The following RSRC1 variants were observed in gnomAD, a reference collection of about 807,000 sequenced individuals.
RSRC1 encodes the protein arginine and serine rich coiled-coil 1.
A neutral mutation model predicts 49.1 loss-of-function variants in RSRC1; 39 were observed. The ratio of observed to expected loss-of-function variants is 0.79; its 90% CI spans 0.61 to 1.04. The LOEUF is 1.04. Ranked by LOEUF, RSRC1 falls within the 50% of genes least tolerant of loss-of-function variation. RSRC1 has a pLI of 0.00. For missense variants in RSRC1, 388 were observed against 402.4 expected (o/e 0.96, Z 0.31); for synonymous variants, 143 against 130.8 (o/e 1.09, Z -0.63).
At chr3:158,339,164 C>T (rs975713377) in intron 5 of RSRC1, among the ~76,000 whole-genome samples, 3 of 151,836 alleles carry the variant, frequency 2.0e-5, no homozygotes, top group African/African-American at 4.8e-5. Flanking sequence ...CGGTGGCGGG[C>T]GCCTGTAGTC....
intron 6 of RSRC1, among the ~76,000 whole-genome samples, chr3:158,406,754 T>G (rs4679827): frequency 2.0e-5 from 3 of 151,814 alleles, no homozygotes; most frequent in African/African-American, 7.3e-5. Context: ...ACTAATCTAG[T>G]GGAAGTCCCA....
At chr3:158,234,088 A>G (rs1043217839) in intron 4 of RSRC1, among the ~76,000 whole-genome samples, 10 of 152,142 alleles carry the variant, frequency 6.6e-5, no homozygotes, top group African/African-American at 2.4e-4. Context: ...ACAGTGAGAC[A>G]CCTTACTGTA....
chr3:158,219,754 A>G (rs1722131199), intron 4 of RSRC1, among the ~76,000 whole-genome samples: 1 of 151,578 alleles, frequency 6.6e-6, no homozygotes, highest in Non-Finnish European at 1.5e-5. Context: ...GCCTTAATAA[A>G]GGTAGTGGCA....
intron 4 of RSRC1, among the ~76,000 whole-genome samples, chr3:158,278,311 AC>A (rs1174773747): frequency 6.6e-6 from 1 of 152,236 alleles, no homozygotes; most frequent in Non-Finnish European, 1.5e-5. Flanking sequence ...TCGTAGACTT[AC>A]ATTTTCACAA....
chr3:158,272,485 A>G (rs769526781), intron 4 of RSRC1, among the ~76,000 whole-genome samples: 6 of 152,126 alleles, frequency 3.9e-5, no homozygotes, highest in African/African-American at 4.8e-5. Context: ...TAAAAAACAA[A>G]AGATTATTAT....
intron 5 of RSRC1, among the ~76,000 whole-genome samples, chr3:158,334,437 A>C (rs1729743428): frequency 6.6e-6 from 1 of 151,976 alleles, no homozygotes; most frequent in Admixed American, 6.6e-5. Context: ...TTATGGGAGA[A>C]TCTCTTGGTT....
chr3:158,283,625 CCATTATTGGG>C (rs1289973916), intron 4 of RSRC1, among the ~76,000 whole-genome samples: 1 of 151,916 alleles, frequency 6.6e-6, no homozygotes, highest in Non-Finnish European at 1.5e-5. Flanking sequence ...TGACAGTTTG[CCATTATTGGG>C]CATTTAGTTC....
At chr3:158,244,441 T>C (rs944724680) in intron 4 of RSRC1, among the ~76,000 whole-genome samples, 3 of 152,218 alleles carry the variant, frequency 2.0e-5, no homozygotes, top group Admixed American at 1.3e-4. Context: ...TTGCATATGT[T>C]GAACCAGCCT....
At chr3:158,417,734 T>C (rs1228699577) in intron 6 of RSRC1, among the ~76,000 whole-genome samples, 1 of 151,056 alleles carries the variant, frequency 6.6e-6, no homozygotes, top group African/African-American at 2.4e-5. Flanking sequence ...TTATACAGAT[T>C]TATTAATCAG....
At chr3:158,496,139 A>G (rs1322659853) in intron 7 of RSRC1, among the ~76,000 whole-genome samples, 1 of 152,116 alleles carries the variant, frequency 6.6e-6, no homozygotes, top group African/African-American at 2.4e-5. Flanking sequence ...TTCTTTATAA[A>G]ATATATCTAG....
rs539787653 is a variant in RSRC1, at chr3:158,256,192, G to A, written c.495-41847G>A. 5.1e-4 allele frequency among the ~76,000 whole-genome samples: 77 copies of A among 152,268 alleles called. 1 individual carries two copies. In the South Asian group the frequency reaches 0.013, roughly 25 times the overall value. On this transcript the variant is annotated intron_variant, in intron 4 of 9. Transcript: ENST00000611884. Reference sequence around the variant, plus strand: ...TTGCCCATTCAGTATGATATTGGCTGTGGGTTTATCATAAATAGCTCTTAT... The same window carrying A: ...TTGCCCATTCAGTATGATATTGGCTATGGGTTTATCATAAATAGCTCTTAT...
At chr3:158,424,738 T>C (rs1001124721) in intron 6 of RSRC1, among the ~76,000 whole-genome samples, 3 of 152,166 alleles carry the variant, frequency 2.0e-5, no homozygotes, top group Admixed American at 2.0e-4. Flanking sequence ...AAGCTATTGA[T>C]TATTGCCACA....
intron 6 of RSRC1, among the ~76,000 whole-genome samples, chr3:158,454,129 C>A (rs2108394594): frequency 6.6e-6 from 1 of 152,140 alleles, no homozygotes; most frequent in East Asian, 1.9e-4. Flanking sequence ...TTCTAAAGTT[C>A]TGAGGAAATC....
At chr3:158,516,061 G>T (rs756241828) in intron 7 of RSRC1, among the ~76,000 whole-genome samples, 2 of 152,144 alleles carry the variant, frequency 1.3e-5, no homozygotes, top group East Asian at 3.9e-4. Context: ...CCGTAGCTTG[G>T]AGTAATTTGA....
At chr3:158,491,968 A>G (rs1293035988) in intron 7 of RSRC1, among the ~76,000 whole-genome samples, 1 of 152,184 alleles carries the variant, frequency 6.6e-6, no homozygotes, top group Admixed American at 6.5e-5. Context: ...ACACTGCTAT[A>G]AAGAACTACC....
intron 5 of RSRC1, among the ~76,000 whole-genome samples, chr3:158,337,530 C>T (rs1225361338): frequency 1.4e-4 from 21 of 152,184 alleles, no homozygotes; most frequent in Admixed American, 1.4e-3. Flanking sequence ...TCCTGCAAAT[C>T]TATGATCATA....
chr3:158,278,987 T>C (rs549617485), intron 4 of RSRC1, among the ~76,000 whole-genome samples: 1 of 152,214 alleles, frequency 6.6e-6, no homozygotes, highest in African/African-American at 2.4e-5. Flanking sequence ...AATGCCATTG[T>C]ATAATAAGCA....
At chr3:158,147,724 C>T (rs1418021343) in intron 3 of RSRC1, among the ~76,000 whole-genome samples, 2 of 152,016 alleles carry the variant, frequency 1.3e-5, no homozygotes, top group East Asian at 3.9e-4. Context: ...TTGGTTTGTT[C>T]AAATTTTTTT....
intron 6 of RSRC1, among the ~76,000 whole-genome samples, chr3:158,454,261 T>A (rs572852082): frequency 6.6e-5 from 10 of 152,082 alleles, no homozygotes; most frequent in South Asian, 6.2e-4. Flanking sequence ...ACCTTGAAAA[T>A]TTTTTTTAAC....
Sources: allele counts gnomAD v4.1 joint callset (sites outside exome capture counted in the v4.1 genomes callset), GRCh38; gene constraint gnomAD v4.1.1; transcripts MANE v1.5; gene names NCBI Gene and HGNC (gene_info 2026-07-23, HGNC 2026-07-21).